AGT: variants seen among roughly 807,000 people sequenced by gnomAD.
AGT encodes the protein angiotensinogen.
A neutral mutation model predicts 28.1 loss-of-function variants in AGT; 26 were observed. The ratio of observed to expected loss-of-function variants is 0.92; its 90% CI spans 0.68 to 1.28. AGT has a LOEUF of 1.28. Ranked by LOEUF, AGT falls within the 50% of genes most tolerant of loss-of-function variation. The pLI is 0.00. For missense variants in AGT, 596 were observed against 592.3 expected (o/e 1.01, Z -0.06); for synonymous variants, 259 against 259.6 (o/e 1.00, Z 0.02).
chr1:230,736,868 T>C (rs1664165242), intron 1 of AGT, among the ~76,000 whole-genome samples: 1 of 152,156 alleles, frequency 6.6e-6, no homozygotes, highest in South Asian at 2.1e-4. Flanking sequence ...TCTATCCCTT[T>C]TCAGCACCTG....
intron 1 of AGT, among the ~76,000 whole-genome samples, chr1:230,744,578 G>A (rs932618971): frequency 6.6e-6 from 1 of 152,170 alleles, no homozygotes. Flanking sequence ...CTGGAGGATT[G>A]TTAAACCTTT....
chr1:230,733,372 A>G (rs1372378371), intron 1 of AGT, among the ~76,000 whole-genome samples: 1 of 152,182 alleles, frequency 6.6e-6, no homozygotes, highest in African/African-American at 2.4e-5. Flanking sequence ...TCTGAAACTC[A>G]GTGTTTCCAA....
intron 1 of AGT, among the ~76,000 whole-genome samples, chr1:230,731,480 G>A (rs1273164373): frequency 1.3e-5 from 2 of 152,198 alleles, no homozygotes; most frequent in African/African-American, 4.8e-5. Context: ...TCACTTACAC[G>A]ACCTGGCTGC....
chr1:230,704,107 G>A (rs1663311139), intron 4 of AGT, 86 bp downstream of exon 4: 9 of 1,602,122 alleles, frequency 5.6e-6, no homozygotes, highest in Non-Finnish European at 7.7e-6. Flanking sequence ...CCCACCCATA[G>A]CCTCCTCTGT....
At chr1:230,731,425 G>T (rs913906823) in intron 1 of AGT, among the ~76,000 whole-genome samples, 1 of 152,216 alleles carries the variant, frequency 6.6e-6, no homozygotes, top group African/African-American at 2.4e-5. Context: ...CCCCAAGGCT[G>T]CCCATTGCAA....
chr1:230,719,077 T>C (rs1245295035), upstream of AGT, among the ~76,000 whole-genome samples: 1 of 152,168 alleles, frequency 6.6e-6, no homozygotes, highest in Non-Finnish European at 1.5e-5. Context: ...GTATACAGTA[T>C]GCCAAATCTT....
intron 1 of AGT, among the ~76,000 whole-genome samples, chr1:230,729,062 CT>C (rs1301651187): frequency 3.3e-5 from 5 of 152,176 alleles, no homozygotes; most frequent in Non-Finnish European, 7.4e-5. Flanking sequence ...CTCAGTCAGG[CT>C]AACAGCAAAC....
intron 1 of AGT, among the ~76,000 whole-genome samples, chr1:230,732,528 C>A (rs1664086519): frequency 6.6e-6 from 1 of 152,170 alleles, no homozygotes; most frequent in South Asian, 2.1e-4. Flanking sequence ...TAACTTTTGA[C>A]TCTCCCCAAA....
chr1:230,741,559 G>A (rs1222691884), intron 1 of AGT, among the ~76,000 whole-genome samples: 1 of 152,248 alleles, frequency 6.6e-6, no homozygotes, highest in Non-Finnish European at 1.5e-5. Context: ...TCCCACTGAA[G>A]AAAAGATTTG....
At chr1:230,742,865 A>T (rs562091338) in intron 1 of AGT, among the ~76,000 whole-genome samples, 23 of 152,332 alleles carry the variant, frequency 1.5e-4, no homozygotes, top group African/African-American at 5.1e-4. Flanking sequence ...TCATCAGGAT[A>T]AAGATAAATT....
chr1:230,714,656 A>C (rs1251699627), upstream of AGT, among the ~76,000 whole-genome samples: 4 of 152,182 alleles, frequency 2.6e-5, no homozygotes, highest in African/African-American at 9.7e-5. Flanking sequence ...ACTGGGGAAA[A>C]CACACAAGCA....
At chr1:230,745,334 T>C (rs543264341) in intron 1 of AGT, among the ~76,000 whole-genome samples, 15 of 152,314 alleles carry the variant, frequency 9.8e-5, no homozygotes, top group African/African-American at 3.1e-4. Context: ...AAACCCGCCA[T>C]GCCTCTAGCA....
Position 230,710,224 on chromosome 1 carries a change from C to T in AGT, c.600G>A (p.Val200=), listed in dbSNP as rs766974380. ...SQAQLLLSTV[V]GVFTAPGLHL... ...GCAGGCCTGGGGCTGTGAACACGCC[C>T]ACCACCGTGGACAGCAGCAGCTGGG... is the stretch of plus-strand genomic sequence containing the variant. Residue 200 remains valine, a synonymous_variant, in exon 2 of 5, where the codon GTG becomes GTA. Transcript: ENST00000366667. 2.5e-5 allele frequency: 41 copies of T among 1,613,518 alleles called. No individual in the cohort carries two copies. The highest frequency in any genetic ancestry group is 3.4e-5 in the Non-Finnish European group (40 of 1,179,992).
intron 1 of AGT, among the ~76,000 whole-genome samples, chr1:230,721,893 T>G (rs1663851531): frequency 6.6e-6 from 1 of 152,208 alleles, no homozygotes; most frequent in Admixed American, 6.5e-5. Flanking sequence ...AAAGAACCAT[T>G]TTCTTGGGAG....
rs1380358974 is a variant in AGT at position 230,709,949 on chromosome 1, G to T, written c.829+46C>A. On this transcript the variant is annotated intron_variant, in intron 2 of 4. Coordinates refer to ENST00000366667, the MANE Select transcript of AGT (RefSeq NM_001384479.1). ...GACTGGCTGATCTCAGCTACACATT[G>T]GATACTAAGTCCTAGGGCCAGAGCC... The T allele has an allele frequency of 2.5e-6, 4 of 1,612,918 alleles. No homozygotes were observed. The African/African-American group carries it at 4.0e-5, about 16-fold the overall frequency.
chr1:230,745,058 A>T (rs1343603579), intron 1 of AGT, among the ~76,000 whole-genome samples: 1 of 152,220 alleles, frequency 6.6e-6, no homozygotes, highest in Non-Finnish European at 1.5e-5. Flanking sequence ...CAGCTCCATC[A>T]TCTCTAGCCA....
chr1:230,736,773 C>T (rs556369695), intron 1 of AGT, among the ~76,000 whole-genome samples: 7 of 152,258 alleles, frequency 4.6e-5, no homozygotes, highest in Non-Finnish European at 1.0e-4. Context: ...CCCCAAAGCT[C>T]AGTTTCCTGC....
intron 1 of AGT, among the ~76,000 whole-genome samples, 194 bp from the exon 2 acceptor site, chr1:230,711,047 C>T (rs1248651861): frequency 1.3e-5 from 2 of 152,168 alleles, no homozygotes; most frequent in Non-Finnish European, 2.9e-5. Flanking sequence ...GTGCAAAATG[C>T]ACCAATATCA....
At chr1:230,743,617 G>T (rs1482253866) in intron 1 of AGT, among the ~76,000 whole-genome samples, 1 of 152,218 alleles carries the variant, frequency 6.6e-6, no homozygotes, top group Non-Finnish European at 1.5e-5. Context: ...GTCGCAGCCG[G>T]GTGGGCTCAC....
Sources: gnomAD v4.1 joint callset for allele counts (sites outside exome capture counted in the v4.1 genomes callset) on GRCh38, gnomAD v4.1.1 for gene constraint, MANE v1.5 for transcripts, NCBI Gene and HGNC (gene_info 2026-07-23, HGNC 2026-07-21) for gene names.